Variants in GRM5 observed in about 807,000 individuals in gnomAD.
GRM5 encodes the protein glutamate metabotropic receptor 5, also known as metabotropic glutamate receptor 5.
Under a neutral mutation model 83.1 loss-of-function variants are expected in GRM5, and 19 were observed. The ratio of observed to expected loss-of-function variants is 0.23; its 90% CI spans 0.16 to 0.34. The LOEUF is 0.34. GRM5 is among the 10% of genes least tolerant of loss of function. The probability of loss-of-function intolerance (pLI) is 1.00; values close to 1 mark genes in which losing one functional copy is unlikely to be tolerated. For synonymous variants in GRM5, 675 were observed against 633.6 expected, an observed-to-expected ratio of 1.07 and a Z score of -0.98; for missense variants, 1,160 against 1,588.3, an observed-to-expected ratio of 0.73 and a Z score of 4.58.
intron 2 of GRM5, among the ~76,000 whole-genome samples, chr11:89,019,848 A>G (rs1046037058): frequency 6.6e-6 from 1 of 152,212 alleles, no homozygotes; most frequent in African/African-American, 2.4e-5. Flanking sequence ...TGGTTTAATC[A>G]TTCATATGAT....
At chr11:88,897,503 ACTGTTG>A (rs1277932459) in intron 2 of GRM5, among the ~76,000 whole-genome samples, 1 of 151,898 alleles carries the variant, frequency 6.6e-6, no homozygotes, top group Non-Finnish European at 1.5e-5. Flanking sequence ...TGCTTGCAAT[ACTGTTG>A]CTGGGTGAAC....
chr11:88,977,576 A>AT (rs750376382), intron 2 of GRM5, among the ~76,000 whole-genome samples: 8 of 152,216 alleles, frequency 5.3e-5, no homozygotes, highest in Non-Finnish European at 1.0e-4. Flanking sequence ...CCAAAGTATT[A>AT]TCTACTTGCT....
chr11:88,904,132 CAG>C (rs1409314763), intron 2 of GRM5, among the ~76,000 whole-genome samples: 1 of 152,030 alleles, frequency 6.6e-6, no homozygotes, highest in African/African-American at 2.4e-5. Context: ...CGGGGAAGGG[CAG>C]AGAGTTGACA....
chr11:88,822,860 CTT>C (rs1232597060), intron 3 of GRM5, among the ~76,000 whole-genome samples: 1 of 151,652 alleles, frequency 6.6e-6, no homozygotes, highest in Non-Finnish European at 1.5e-5. Flanking sequence ...TTTGAGGTAT[CTT>C]TTCTTTCTCT....
intron 2 of GRM5, among the ~76,000 whole-genome samples, chr11:89,023,487 T>C (rs983032212): frequency 4.1e-4 from 62 of 151,982 alleles, no homozygotes; most frequent in African/African-American, 1.3e-3. Context: ...CATACCAGGG[T>C]CTTTCCTTGT....
At chr11:89,060,440 A>G (rs1941968609) in intron 1 of GRM5, among the ~76,000 whole-genome samples, 1 of 152,126 alleles carries the variant, frequency 6.6e-6, no homozygotes, top group Admixed American at 6.6e-5. Context: ...CACTGCATAA[A>G]CTATGCACTG....
Position 88,921,835 on chromosome 11 carries a change from C to G in GRM5, c.662-71680G>C, listed in dbSNP as rs1471702003. ...AATTATCTGCATTTGTAGATGATAA[C>G]TTATATTTAGAAACTCCTAATGATG... On this transcript the variant is annotated intron_variant, in intron 2 of 9. Transcript: ENST00000305447. Among the ~76,000 whole-genome samples, 4 of 151,910 alleles carry G rather than the reference C, an allele frequency of 2.6e-5. No homozygotes were observed. In the East Asian group the frequency reaches 7.8e-4, roughly 29 times the overall value.
chr11:88,777,134 AT>A, intron 3 of GRM5, among the ~76,000 whole-genome samples: 1 of 152,114 alleles, frequency 6.6e-6, no homozygotes, highest in Middle Eastern at 3.4e-3. Flanking sequence ...GGCTTTGTTC[AT>A]TTCTTTTTAC....
intron 4 of GRM5, among the ~76,000 whole-genome samples, chr11:88,629,865 C>T (rs1417820735): frequency 6.6e-6 from 1 of 152,200 alleles, no homozygotes; most frequent in Non-Finnish European, 1.5e-5. Flanking sequence ...CTTCATGTCT[C>T]AATTGAGTAA....
At chr11:88,694,426 G>A (rs1162910549) in intron 3 of GRM5, among the ~76,000 whole-genome samples, 1 of 152,094 alleles carries the variant, frequency 6.6e-6, no homozygotes, top group Admixed American at 6.6e-5. Context: ...ATGTAGAGGT[G>A]AATGCAAGGA....
intron 2 of GRM5, among the ~76,000 whole-genome samples, chr11:88,892,330 G>T (rs1208809062): frequency 6.6e-6 from 1 of 151,942 alleles, no homozygotes; most frequent in Non-Finnish European, 1.5e-5. Context: ...CCCTGGACAG[G>T]TTTCTTAATC....
At chr11:88,960,726 A>G (rs1938756363) in intron 2 of GRM5, among the ~76,000 whole-genome samples, 1 of 152,180 alleles carries the variant, frequency 6.6e-6, no homozygotes, top group Non-Finnish European at 1.5e-5. Context: ...ACTGCTGGTG[A>G]CCTAGTAGAG....
chr11:88,555,247 A>C (rs12282855), intron 8 of GRM5, among the ~76,000 whole-genome samples: 7,005 of 152,242 alleles, frequency 0.046, 508 homozygotes, highest in African/African-American at 0.15. Flanking sequence ...TTCCTAACCC[A>C]GGAATGTCAT....
intron 2 of GRM5, among the ~76,000 whole-genome samples, chr11:88,938,667 T>A (rs562715117): frequency 5.3e-5 from 8 of 151,752 alleles, no homozygotes; most frequent in Non-Finnish European, 8.9e-5. Context: ...CTGGGTCCTC[T>A]GCACAAACAC....
chr11:88,923,119 ACC>A (rs1197488890), intron 2 of GRM5, among the ~76,000 whole-genome samples: 1 of 152,098 alleles, frequency 6.6e-6, no homozygotes, highest in Non-Finnish European at 1.5e-5. Context: ...ATAAATTACT[ACC>A]ACCACTATGG....
chr11:88,738,781 T>C (rs997456033), intron 3 of GRM5, among the ~76,000 whole-genome samples: 27 of 152,118 alleles, frequency 1.8e-4, no homozygotes, highest in Admixed American at 3.3e-4. Context: ...CATTTTGTCA[T>C]TGCTTTCAAC....
chr11:88,856,251 CTT>C (rs934388108), intron 2 of GRM5, among the ~76,000 whole-genome samples: 1 of 152,008 alleles, frequency 6.6e-6, no homozygotes, highest in African/African-American at 2.4e-5. Context: ...ATTTTCTTTC[CTT>C]ATGTCCTTAT....
chr11:88,659,069 A>C (rs183146814), intron 3 of GRM5, among the ~76,000 whole-genome samples: 1 of 152,228 alleles, frequency 6.6e-6, no homozygotes, highest in Non-Finnish European at 1.5e-5. Flanking sequence ...ACCAATGGAG[A>C]ATTGAATTAA....
At chr11:88,758,115 A>G (rs1262747790) in intron 3 of GRM5, among the ~76,000 whole-genome samples, 1 of 152,228 alleles carries the variant, frequency 6.6e-6, no homozygotes, top group African/African-American at 2.4e-5. Flanking sequence ...GATTGAAGGA[A>G]CACCAGCCTA....
Sources: gnomAD v4.1 joint callset for allele counts (sites outside exome capture counted in the v4.1 genomes callset) on GRCh38, gnomAD v4.1.1 for gene constraint, MANE v1.5 for transcripts, NCBI Gene and HGNC (gene_info 2026-07-23, HGNC 2026-07-21) for gene names.